Variants in DAB2 observed in about 807,000 individuals in gnomAD.
DAB2 encodes the protein DAB adaptor protein 2, also known as disabled homolog 2.
In DAB2, 28 loss-of-function variants were observed where a neutral mutation model predicts 71.6. That is an observed-to-expected ratio of 0.39 (90% CI 0.29 to 0.54). DAB2 has a LOEUF of 0.54. DAB2 is among the 20% of genes least tolerant of loss of function. The probability of loss-of-function intolerance (pLI) is 0.68; values close to 1 mark genes in which losing one functional copy is unlikely to be tolerated. For synonymous variants in DAB2, 345 were observed against 339.7 expected (o/e 1.02, Z -0.17); for missense variants, 867 against 928.8 (o/e 0.93, Z 0.86).
At position 39,388,791 on chromosome 5, in the gene DAB2, A is replaced by G. The variant is rs749172711; in HGVS notation, c.624+8T>C. On this transcript the variant is annotated splice_region_variant and intron_variant, in intron 8 of 14. Coordinates refer to ENST00000320816, the MANE Select transcript of DAB2 (RefSeq NM_001343.4). ...AAGAACTGTCAAACGTCACATATTA[A>G]TACATACCGATTTCAGTTTGTTAGT... 6.2e-7 allele frequency: 1 copy of G among 1,610,998 alleles called. No homozygotes were observed. Among genetic ancestry groups the G allele is most frequent in the East Asian group, 2.2e-5 (1 of 44,828 alleles).
intron 11 of DAB2, among the ~76,000 whole-genome samples, chr5:39,377,813 C>T (rs1219016049): frequency 6.6e-6 from 1 of 152,166 alleles, no homozygotes; most frequent in African/African-American, 2.4e-5. Context: ...CACATGTGCA[C>T]AAGACCTCAA....
At chr5:39,407,676 G>A (rs1045850694) in intron 1 of DAB2, among the ~76,000 whole-genome samples, 2 of 152,086 alleles carry the variant, frequency 1.3e-5, no homozygotes, top group Non-Finnish European at 2.9e-5. Flanking sequence ...CTTCATCCAC[G>A]TCCCTCTGTG....
At chr5:39,398,555 G>A (rs995901874) in intron 1 of DAB2, among the ~76,000 whole-genome samples, 1 of 152,164 alleles carries the variant, frequency 6.6e-6, no homozygotes, top group Admixed American at 6.5e-5. Flanking sequence ...GGATGTGTAT[G>A]TTGAGTTGCA....
intron 1 of DAB2, among the ~76,000 whole-genome samples, chr5:39,405,991 T>A (rs576029545): frequency 6.6e-6 from 1 of 152,268 alleles, no homozygotes; most frequent in East Asian, 1.9e-4. Flanking sequence ...TATGGCTTTA[T>A]TATGGGGTTG....
intron 1 of DAB2, among the ~76,000 whole-genome samples, chr5:39,398,084 G>A (rs62358421): frequency 0.029 from 4,376 of 152,220 alleles, 90 homozygotes; most frequent in South Asian, 0.086. Context: ...CTTTGAAGCC[G>A]GATATCATAC....
At chr5:39,416,450 T>C (rs1201019028) in intron 1 of DAB2, among the ~76,000 whole-genome samples, 1 of 152,072 alleles carries the variant, frequency 6.6e-6, no homozygotes, top group Non-Finnish European at 1.5e-5. Flanking sequence ...GGTGTTCAAT[T>C]CCTCCATTCA....
intron 9 of DAB2, among the ~76,000 whole-genome samples, chr5:39,386,522 G>T (rs992102771): frequency 3.9e-5 from 6 of 152,034 alleles, no homozygotes; most frequent in African/African-American, 1.4e-4. Flanking sequence ...CCTTCTTTTG[G>T]TTATCAGAGA....
In DAB2 at chr5:39,382,584, C is replaced by T. The variant is rs778883931; in HGVS notation, c.1341+34G>A. On this transcript the variant is annotated intron_variant, in intron 10 of 14. Transcript: ENST00000320816. ...ACCACCCTTTGGTACCGAACATGCA[C>T]TCTGCTAATGGATATGTGGAGAAGA... 1.5e-5 allele frequency: 24 copies of T among 1,588,050 alleles called. No homozygotes were observed. In the South Asian group the frequency reaches 2.7e-4, roughly 18 times the overall value.
Position 39,393,465 on chromosome 5 carries a change from A to C in DAB2, c.92-72T>G. On this transcript the variant is annotated intron_variant, in intron 2 of 14. Transcript: ENST00000320816. ...TGACCAAATATGCTCTAGACTCTCC[A>C]AAATTTAAGTAATATAAATCCTGAT... The C allele has an allele frequency of 2.1e-6, 3 of 1,450,136 alleles. No individual in the cohort carries two copies. In the South Asian group the frequency reaches 3.7e-5, roughly 18 times the overall value. The allele number at this position is 1,450,136 out of a possible 1,614,324, so 89.8% of individuals were successfully genotyped here.
chr5:39,408,698 T>C (rs1406221668), intron 1 of DAB2: 2 of 152,198 alleles, frequency 1.3e-5, no homozygotes, highest in African/African-American at 4.8e-5. Context: ...AAAGGAGTCA[T>C]TTAAAAACAA....
At chr5:39,399,903 T>C (rs758854505) in intron 1 of DAB2, among the ~76,000 whole-genome samples, 1 of 152,222 alleles carries the variant, frequency 6.6e-6, no homozygotes, top group Non-Finnish European at 1.5e-5. Context: ...TTATCCTTTC[T>C]ACCAGTAGGA....
intron 11 of DAB2, among the ~76,000 whole-genome samples, chr5:39,378,010 C>T (rs1355458440): frequency 6.6e-6 from 1 of 152,216 alleles, no homozygotes; most frequent in South Asian, 2.1e-4. Context: ...AAAGTGCTTC[C>T]TGCCATGTGC....
intron 11 of DAB2, among the ~76,000 whole-genome samples, chr5:39,380,603 C>T (rs1395020215): frequency 6.6e-6 from 1 of 152,140 alleles, no homozygotes; most frequent in African/African-American, 2.4e-5. Context: ...AAAACTGTAC[C>T]ATGGAGTCTG....
chr5:39,421,944 C>T (rs937683629), intron 1 of DAB2, among the ~76,000 whole-genome samples: 1 of 151,762 alleles, frequency 6.6e-6, no homozygotes, highest in East Asian at 1.9e-4. Context: ...GTGGCGGGTA[C>T]CTCTAATCCC....
chr5:39,395,937 CTTTTTTTTTTT>C (rs3024228), intron 1 of DAB2, among the ~76,000 whole-genome samples: 1 of 74,856 alleles, frequency 1.3e-5, no homozygotes, highest in Non-Finnish European at 2.3e-5. Flanking sequence ...CACAGATATT[CTTTTTTTTTTT>C]TTTTTTTTTT....
At chr5:39,421,433 G>C (rs1755983324) in intron 1 of DAB2, among the ~76,000 whole-genome samples, 1 of 152,144 alleles carries the variant, frequency 6.6e-6, no homozygotes, top group Non-Finnish European at 1.5e-5. Flanking sequence ...AGATAAGCAA[G>C]CTGAAGTACA....
chr5:39,421,318 TAACA>T (rs897263543), intron 1 of DAB2, among the ~76,000 whole-genome samples: 4 of 152,158 alleles, frequency 2.6e-5, no homozygotes, highest in African/African-American at 9.7e-5. Flanking sequence ...GGGGGAGTAA[TAACA>T]AACAAACAAA....
chr5:39,397,873 A>C (rs1471672666), intron 1 of DAB2, among the ~76,000 whole-genome samples: 2 of 152,236 alleles, frequency 1.3e-5, no homozygotes, highest in Non-Finnish European at 2.9e-5. Context: ...GCAACAATAT[A>C]TTCCAAAACA....
At chr5:39,374,403 C>G (rs1754769125) in intron 14 of DAB2, among the ~76,000 whole-genome samples, 1 of 152,096 alleles carries the variant, frequency 6.6e-6, no homozygotes, top group Non-Finnish European at 1.5e-5. Flanking sequence ...GTGATTCTAC[C>G]TAATCACTTA....
Sources: gnomAD v4.1 joint callset for allele counts (sites outside exome capture counted in the v4.1 genomes callset) on GRCh38, gnomAD v4.1.1 for gene constraint, MANE v1.5 for transcripts, NCBI Gene and HGNC (gene_info 2026-07-23, HGNC 2026-07-21) for gene names.